The following TSPAN18 variants were observed in gnomAD, a reference collection of about 807,000 sequenced individuals.
The protein encoded by TSPAN18 is tetraspanin-18.
TSPAN18 carries 14 observed loss-of-function variants against 27.3 expected under a neutral mutation model. That is an observed-to-expected ratio of 0.51 (90% confidence interval 0.34 to 0.80). TSPAN18 has a LOEUF of 0.80. Among genes scored for constraint, TSPAN18 ranks in the 30% least tolerant of loss-of-function variants. The pLI, the probability that TSPAN18 is intolerant of heterozygous loss-of-function variation, is 0.01. For synonymous variants in TSPAN18, 143 were observed against 136.5 expected, an observed-to-expected ratio of 1.05 and a Z score of -0.33; for missense variants, 268 against 323.9, an observed-to-expected ratio of 0.83 and a Z score of 1.32.
At chr11:44,889,919 G>A (rs887346049) in intron 3 of TSPAN18, among the ~76,000 whole-genome samples, 5 of 152,190 alleles carry the variant, frequency 3.3e-5, no homozygotes, top group African/African-American at 1.2e-4. Flanking sequence ...AGCTCCCAGG[G>A]GCTTTTCCGA....
chr11:44,834,721 A>G (rs1247341554), intron 2 of TSPAN18, among the ~76,000 whole-genome samples: 1 of 152,188 alleles, frequency 6.6e-6, no homozygotes, highest in Non-Finnish European at 1.5e-5. Context: ...TTTATCTGAA[A>G]AATGAGAATA....
chr11:44,911,257 G>T (rs1467468975), intron 5 of TSPAN18, among the ~76,000 whole-genome samples: 1 of 152,140 alleles, frequency 6.6e-6, no homozygotes, highest in Non-Finnish European at 1.5e-5. Flanking sequence ...GTTGGCTGGG[G>T]GGCTCCCTTG....
At chr11:44,878,985 T>C (rs4755911) in intron 3 of TSPAN18, among the ~76,000 whole-genome samples, 61,986 of 152,106 alleles carry the variant, frequency 0.41, 14,077 homozygotes, top group Non-Finnish European at 0.51. Flanking sequence ...TCCCCAGGGC[T>C]GGCTTCACAG....
At chr11:44,812,830 T>C (rs1378116596) in intron 2 of TSPAN18, among the ~76,000 whole-genome samples, 3 of 152,116 alleles carry the variant, frequency 2.0e-5, no homozygotes, top group Non-Finnish European at 2.9e-5. Context: ...TTTGGCACCA[T>C]TGGGGTCCCT....
At chr11:44,729,964 C>T (rs1466836789) in intron 1 of TSPAN18, among the ~76,000 whole-genome samples, 2 of 152,062 alleles carry the variant, frequency 1.3e-5, no homozygotes, top group Non-Finnish European at 2.9e-5. Context: ...CTGCTTCCTC[C>T]GTCTGTAAAA....
chr11:44,780,213 CAT>C (rs1162592287), intron 2 of TSPAN18, among the ~76,000 whole-genome samples: 1 of 152,224 alleles, frequency 6.6e-6, no homozygotes, highest in East Asian at 1.9e-4. Context: ...CACACACACA[CAT>C]GCACACACAC....
intron 2 of TSPAN18, among the ~76,000 whole-genome samples, chr11:44,851,913 C>T (rs543086444): frequency 6.6e-6 from 1 of 152,296 alleles, no homozygotes; most frequent in East Asian, 1.9e-4. Flanking sequence ...TGGTTCAGAA[C>T]ACTCCCCAGC....
intron 1 of TSPAN18, among the ~76,000 whole-genome samples, chr11:44,749,386 G>A (rs1344880842): frequency 6.6e-6 from 1 of 152,208 alleles, no homozygotes; most frequent in East Asian, 1.9e-4. Context: ...TTTCTGATTT[G>A]CCTTGGCAAA....
chr11:44,833,154 G>C (rs899395770), intron 2 of TSPAN18, among the ~76,000 whole-genome samples: 1 of 151,758 alleles, frequency 6.6e-6, no homozygotes, highest in African/African-American at 2.4e-5. Context: ...GTGCCTGGCT[G>C]TCCTGGACAC....
intron 9 of TSPAN18, among the ~76,000 whole-genome samples, chr11:44,928,289 G>T (rs1243540889): frequency 6.6e-6 from 1 of 152,216 alleles, no homozygotes; most frequent in Non-Finnish European, 1.5e-5. Flanking sequence ...CTTTTACTGA[G>T]CAACTTCTAG....
In TSPAN18 at chr11:44,930,785, A is replaced by G; in HGVS notation, c.*1607A>G. On this transcript the variant is annotated 3_prime_UTR_variant, in exon 10 of 10. Coordinates refer to ENST00000520358, the MANE Select transcript of TSPAN18 (RefSeq NM_130783.5). ...TCTGCCAGGCACCGTAAGTTTGATT[A>G]GTGATGTCTGCCACGGGCAGGGATG... 2.1e-6 allele frequency: 1 copy of G among 466,414 alleles called. No homozygotes were observed. The highest frequency in any genetic ancestry group is 1.6e-5 in the South Asian group (1 of 64,204). The allele number at this position is 466,414 out of a possible 1,614,324, so 28.9% of individuals were successfully genotyped here. A position where few individuals can be genotyped will look rare whatever the true frequency, so the allele number is the denominator to read the frequency against.
chr11:44,839,090 C>T (rs1857317422), intron 2 of TSPAN18, among the ~76,000 whole-genome samples: 1 of 152,180 alleles, frequency 6.6e-6, no homozygotes, highest in African/African-American at 2.4e-5. Flanking sequence ...GGGGGTTTCC[C>T]ACAAAACAAG....
intron 2 of TSPAN18, among the ~76,000 whole-genome samples, chr11:44,830,244 C>T (rs561603078): frequency 6.6e-6 from 1 of 152,314 alleles, no homozygotes; most frequent in East Asian, 1.9e-4. Context: ...AGATACATCT[C>T]CTTGGAGAAA....
intron 8 of TSPAN18, among the ~76,000 whole-genome samples, chr11:44,921,309 G>A (rs1408864865): frequency 1.3e-5 from 2 of 152,142 alleles, no homozygotes; most frequent in Non-Finnish European, 2.9e-5. Flanking sequence ...TAACTGCTGT[G>A]TTGCCTTCGC....
chr11:44,834,068 T>C (rs1279030326), intron 2 of TSPAN18, among the ~76,000 whole-genome samples: 1 of 151,858 alleles, frequency 6.6e-6, no homozygotes, highest in Non-Finnish European at 1.5e-5. Context: ...GATCAGCTTT[T>C]GTTTCCAAGG....
intron 2 of TSPAN18, among the ~76,000 whole-genome samples, chr11:44,810,477 T>G (rs1459951599): frequency 6.6e-6 from 1 of 152,240 alleles, no homozygotes; most frequent in Non-Finnish European, 1.5e-5. Context: ...TGTGGCTGAA[T>G]AATATTCCAT....
chr11:44,745,740 A>G (rs1259877205), intron 1 of TSPAN18, among the ~76,000 whole-genome samples: 1 of 152,160 alleles, frequency 6.6e-6, no homozygotes, highest in African/African-American at 2.4e-5. Flanking sequence ...AAAAAACAAA[A>G]AACATGGCTG....
At chr11:44,920,551 A>G (rs1037730985) in intron 8 of TSPAN18, among the ~76,000 whole-genome samples, 1 of 152,116 alleles carries the variant, frequency 6.6e-6, no homozygotes, top group Non-Finnish European at 1.5e-5. Context: ...ATTTCTAGGG[A>G]AGACAAGCGC....
chr11:44,747,180 G>A, intron 1 of TSPAN18, among the ~76,000 whole-genome samples: 1 of 152,264 alleles, frequency 6.6e-6, no homozygotes, highest in East Asian at 1.9e-4. Context: ...TTGTGGGGCA[G>A]CTGGCACCTA....
Sources: gnomAD v4.1 joint callset for allele counts (sites outside exome capture counted in the v4.1 genomes callset) on GRCh38, gnomAD v4.1.1 for gene constraint, MANE v1.5 for transcripts, NCBI Gene and HGNC (gene_info 2026-07-23, HGNC 2026-07-21) for gene names.